The following VAV3 variants were observed in gnomAD, a reference collection of about 807,000 sequenced individuals.
VAV3 encodes the protein vav guanine nucleotide exchange factor 3, also known as guanine nucleotide exchange factor VAV3.
In VAV3, 94 loss-of-function variants were observed where a neutral mutation model predicts 131.2. The observed-to-expected ratio is 0.72, with a 90% confidence interval of 0.61 to 0.85. VAV3 has a LOEUF of 0.85. Ranked by LOEUF, VAV3 falls within the 40% of genes least tolerant of loss-of-function variation. The pLI, the probability that VAV3 is intolerant of heterozygous loss-of-function variation, is 0.00. For missense variants in VAV3, 939 were observed against 1,002.7 expected, an observed-to-expected ratio of 0.94 and a Z score of 0.86; for synonymous variants, 349 against 342.0, an observed-to-expected ratio of 1.02 and a Z score of -0.22.
chr1:107,885,500 T>G (rs992492273), intron 1 of VAV3, among the ~76,000 whole-genome samples: 1 of 151,814 alleles, frequency 6.6e-6, no homozygotes, highest in Non-Finnish European at 1.5e-5. Flanking sequence ...AATTGATAAG[T>G]AATTGGAAAA....
intron 22 of VAV3, among the ~76,000 whole-genome samples, chr1:107,606,079 T>C (rs954058372): frequency 3.9e-5 from 6 of 152,202 alleles, no homozygotes; most frequent in African/African-American, 1.4e-4. Context: ...TATATCTCCC[T>C]CTTCCTTGAT....
chr1:107,872,284 C>T (rs1207384266), intron 2 of VAV3, among the ~76,000 whole-genome samples: 1 of 152,124 alleles, frequency 6.6e-6, no homozygotes, highest in African/African-American at 2.4e-5. Flanking sequence ...ATATTAAGCA[C>T]TCTGAAAACT....
chr1:107,869,740 C>T (rs1168479444), intron 2 of VAV3, among the ~76,000 whole-genome samples: 2 of 152,096 alleles, frequency 1.3e-5, no homozygotes, highest in Admixed American at 6.6e-5. Flanking sequence ...TTTTGGTGCA[C>T]CAATCACCCG....
chr1:107,862,739 G>A (rs945774455), intron 2 of VAV3: 6 of 151,520 alleles, frequency 4.0e-5, no homozygotes, highest in Non-Finnish European at 7.4e-5. Flanking sequence ...GATAGGATAC[G>A]GCCCAACAAC....
At chr1:107,882,799 A>T (rs547904100) in intron 1 of VAV3, among the ~76,000 whole-genome samples, 1 of 152,340 alleles carries the variant, frequency 6.6e-6, no homozygotes, top group East Asian at 1.9e-4. Flanking sequence ...AAGAAATCAT[A>T]CCTTCAAATA....
At chr1:107,859,205 G>C (rs947725066) in intron 2 of VAV3, among the ~76,000 whole-genome samples, 3 of 151,636 alleles carry the variant, frequency 2.0e-5, no homozygotes, top group Non-Finnish European at 4.4e-5. Context: ...TGAATAGCTG[G>C]GACTACTGGT....
At chr1:107,937,705 G>A (rs1346355265) in intron 1 of VAV3, among the ~76,000 whole-genome samples, 5 of 152,118 alleles carry the variant, frequency 3.3e-5, no homozygotes, top group Non-Finnish European at 7.4e-5. Flanking sequence ...AAGGTTTCTA[G>A]TGGCACCCTT....
intron 20 of VAV3, among the ~76,000 whole-genome samples, chr1:107,640,611 A>T (rs1445616172): frequency 6.6e-6 from 1 of 152,162 alleles, no homozygotes; most frequent in African/African-American, 2.4e-5. Context: ...GTGTGTTCAA[A>T]CTTATCAAAT....
At chr1:107,829,266 C>T (rs1012255518) in intron 2 of VAV3, among the ~76,000 whole-genome samples, 13 of 152,270 alleles carry the variant, frequency 8.5e-5, no homozygotes, top group African/African-American at 3.1e-4. Flanking sequence ...TCTGGGTTGA[C>T]TCACTGTATG....
At chr1:107,580,876 T>A (rs1451071993) in intron 25 of VAV3, among the ~76,000 whole-genome samples, 1 of 152,218 alleles carries the variant, frequency 6.6e-6, no homozygotes, top group Non-Finnish European at 1.5e-5. Context: ...TGTTTCTATA[T>A]ATATGGATGC....
chr1:107,790,937 C>T (rs1013747205), intron 2 of VAV3, among the ~76,000 whole-genome samples: 4 of 152,090 alleles, frequency 2.6e-5, no homozygotes, highest in Non-Finnish European at 4.4e-5. Context: ...CTGCCCGCCT[C>T]GGACTCCCAA....
intron 2 of VAV3, among the ~76,000 whole-genome samples, chr1:107,851,290 T>C (rs751844337): frequency 2.0e-5 from 3 of 151,508 alleles, no homozygotes; most frequent in Admixed American, 6.6e-5. Flanking sequence ...TCATCATCTG[T>C]ATCATCTGGC....
chr1:107,712,113 C>T (rs1484466391), intron 15 of VAV3, among the ~76,000 whole-genome samples: 1 of 152,206 alleles, frequency 6.6e-6, no homozygotes, highest in African/African-American at 2.4e-5. Context: ...AACCAACACA[C>T]AAACATACTC....
intron 25 of VAV3, among the ~76,000 whole-genome samples, chr1:107,582,448 C>CACA (rs1650127815): frequency 6.6e-6 from 1 of 151,992 alleles, no homozygotes; most frequent in African/African-American, 2.4e-5. Context: ...TTTTAGGGTA[C>CACA]GTGTGCACAA....
intron 1 of VAV3, among the ~76,000 whole-genome samples, chr1:107,957,833 T>C (rs1674889793): frequency 6.6e-6 from 1 of 151,720 alleles, no homozygotes; most frequent in Non-Finnish European, 1.5e-5. Context: ...TGATCTATAC[T>C]AGATCAACCC....
intron 20 of VAV3, among the ~76,000 whole-genome samples, chr1:107,628,915 T>G (rs564367375): frequency 7.2e-5 from 11 of 152,338 alleles, no homozygotes; most frequent in Admixed American, 6.5e-4. Context: ...TCGGAATGTG[T>G]GTAAAAACAT....
Position 107,699,103 on chromosome 1 carries a change from T to A in VAV3, c.1705+5447A>T, listed in dbSNP as rs553103777. On this transcript the variant is annotated intron_variant, in intron 17 of 26. Coordinates refer to ENST00000370056, the MANE Select transcript of VAV3 (RefSeq NM_006113.5). ...CCTACCCAACAGTCCCCCAAAGTCT[T>A]AACTAATTTCAGCATTAACTCAAAA... Among the ~76,000 whole-genome samples, 230 of 152,324 alleles carry A rather than the reference T, an allele frequency of 1.5e-3. 1 individual carries two copies. Among genetic ancestry groups the A allele is most frequent in the Non-Finnish European group, 2.8e-3 (191 of 68,038 alleles).
chr1:107,835,456 T>G (rs886412390), intron 2 of VAV3, among the ~76,000 whole-genome samples: 7 of 151,142 alleles, frequency 4.6e-5, no homozygotes, highest in African/African-American at 1.7e-4. Context: ...CTGAGAAGAG[T>G]GAGATGTGCG....
At chr1:107,752,484 T>C (rs2102073680) in intron 12 of VAV3, among the ~76,000 whole-genome samples, 1 of 152,344 alleles carries the variant, frequency 6.6e-6, no homozygotes, top group South Asian at 2.1e-4. Flanking sequence ...AAAACTTTTG[T>C]GCCTCACAGA....
Sources: allele counts gnomAD v4.1 joint callset (sites outside exome capture counted in the v4.1 genomes callset), GRCh38; gene constraint gnomAD v4.1.1; transcripts MANE v1.5; gene names NCBI Gene and HGNC (gene_info 2026-07-23, HGNC 2026-07-21).